ARFGEF3: variants seen among roughly 807,000 people sequenced by gnomAD.
The protein encoded by ARFGEF3 is brefeldin A-inhibited guanine nucleotide-exchange protein 3.
In ARFGEF3, 96 loss-of-function variants were observed where a neutral mutation model predicts 221.7. The ratio of observed to expected loss-of-function variants is 0.43; its 90% CI spans 0.37 to 0.51. The LOEUF is 0.51. Among genes scored for constraint, ARFGEF3 ranks in the 20% least tolerant of loss-of-function variants. The pLI, the probability that ARFGEF3 is intolerant of heterozygous loss-of-function variation, is 0.00. For missense variants in ARFGEF3, 2,410 were observed against 2,789.9 expected, an observed-to-expected ratio of 0.86 and a Z score of 3.07; for synonymous variants, 1,145 against 1,126.8, an observed-to-expected ratio of 1.02 and a Z score of -0.32.
intron 2 of ARFGEF3, among the ~76,000 whole-genome samples, chr6:138,195,250 C>A (rs541977041): frequency 6.6e-6 from 1 of 152,088 alleles, no homozygotes; most frequent in South Asian, 2.1e-4. Context: ...ATGATCTGCC[C>A]TCCTCGGCCT....
intron 12 of ARFGEF3, among the ~76,000 whole-genome samples, chr6:138,274,629 C>G (rs1053897607): frequency 1.3e-5 from 2 of 151,944 alleles, no homozygotes; most frequent in Non-Finnish European, 2.9e-5. Flanking sequence ...AACCCCATCT[C>G]TACTAAAAAT....
chr6:138,251,959 A>G (rs1048939641), intron 8 of ARFGEF3, among the ~76,000 whole-genome samples: 1 of 152,182 alleles, frequency 6.6e-6, no homozygotes, highest in Non-Finnish European at 1.5e-5. Flanking sequence ...GGTCAAAAGC[A>G]TAGGGAAGCT....
At chr6:138,208,386 A>G (rs895805637) in intron 3 of ARFGEF3, among the ~76,000 whole-genome samples, 7 of 152,150 alleles carry the variant, frequency 4.6e-5, no homozygotes. Flanking sequence ...TCTGAAAAAA[A>G]AAATCCTTTT....
chr6:138,221,019 T>C (rs1777974134), intron 4 of ARFGEF3, among the ~76,000 whole-genome samples: 1 of 152,222 alleles, frequency 6.6e-6, no homozygotes. Flanking sequence ...CCTGTTCTTT[T>C]GCTGATCCCA....
At chr6:138,323,882 C>A in intron 30 of ARFGEF3, 109 bp downstream of exon 30, 1 of 1,537,362 alleles carries the variant, frequency 6.5e-7, no homozygotes, top group Non-Finnish European at 8.9e-7. Flanking sequence ...CAGGCAGTCT[C>A]ACTTTAGATC....
chr6:138,289,718 C>A, intron 17 of ARFGEF3, 100 bp from the exon 18 acceptor site: 1 of 1,299,840 alleles, frequency 7.7e-7, no homozygotes, highest in Non-Finnish European at 1.1e-6. Context: ...TGAAGTCTGT[C>A]CTTTCCCTTT....
At chr6:138,175,102 C>T (rs185572797) in intron 2 of ARFGEF3, among the ~76,000 whole-genome samples, 21 of 152,290 alleles carry the variant, frequency 1.4e-4, no homozygotes, top group Admixed American at 5.2e-4. Context: ...CTTATTTGTG[C>T]TCAAGGCTCT....
At chr6:138,218,981 G>A (rs995375844) in intron 4 of ARFGEF3, among the ~76,000 whole-genome samples, 3 of 151,824 alleles carry the variant, frequency 2.0e-5, no homozygotes, top group African/African-American at 7.3e-5. Flanking sequence ...ATATATTTTT[G>A]TTGCCAACAG....
At chr6:138,270,602 C>T (rs941778085) in intron 12 of ARFGEF3, among the ~76,000 whole-genome samples, 1 of 152,194 alleles carries the variant, frequency 6.6e-6, no homozygotes, top group Non-Finnish European at 1.5e-5. Context: ...GTATGATAAA[C>T]AGTAGTACTT....
rs552271356 is a variant in ARFGEF3, at chr6:138,295,262, A to G, written c.3502+1136A>G. Among the ~76,000 whole-genome samples, 68 of 152,290 alleles carry G rather than the reference A, an allele frequency of 4.5e-4. No homozygotes were observed. In the South Asian group the frequency reaches 0.013, roughly 28 times the overall value. ...CCAGCCACAGCATCTGAGGCAAGTC[A>G]TATCACCTTTCAGACATTCAATTTT... On this transcript the variant is annotated intron_variant, in intron 20 of 33. Transcript: ENST00000251691.
chr6:138,172,062 A>G (rs931098460), intron 2 of ARFGEF3, among the ~76,000 whole-genome samples: 1 of 152,132 alleles, frequency 6.6e-6, no homozygotes. Context: ...TAAAAAATTC[A>G]TTACTTTTCC....
Position 138,167,545 on chromosome 6 carries a change from G to C in ARFGEF3, c.86-3117G>C, listed in dbSNP as rs560804839. On this transcript the variant is annotated intron_variant, in intron 1 of 33. Coordinates refer to ENST00000251691, the MANE Select transcript of ARFGEF3 (RefSeq NM_020340.5). ...ATCAGTTGATGTCATCACCTGTCCA[G>C]TTGCATTGACCTGAAATCTAGAGTC... is the stretch of plus-strand genomic sequence containing the variant. Among the ~76,000 whole-genome samples the C allele has an allele frequency of 2.0e-5, 3 of 152,242 alleles. No homozygotes were observed. In the South Asian group the frequency reaches 6.2e-4, roughly 32 times the overall value.
chr6:138,200,314 C>G (rs954685210), intron 2 of ARFGEF3, among the ~76,000 whole-genome samples: 2 of 152,018 alleles, frequency 1.3e-5, no homozygotes, highest in Non-Finnish European at 2.9e-5. Flanking sequence ...CACAGAGTTA[C>G]AAGAAACAAT....
intron 27 of ARFGEF3, among the ~76,000 whole-genome samples, chr6:138,319,278 TA>T (rs371788391): frequency 0.048 from 6,895 of 142,232 alleles, 126 homozygotes; most frequent in African/African-American, 0.067. Flanking sequence ...ATTGTTAAGT[TA>T]AAAAAAAAAA....
At chr6:138,182,771 T>C (rs1157251021) in intron 2 of ARFGEF3, among the ~76,000 whole-genome samples, 2 of 152,176 alleles carry the variant, frequency 1.3e-5, no homozygotes, top group Non-Finnish European at 2.9e-5. Flanking sequence ...TAACAATTGA[T>C]ATGGTTTTTT....
intron 4 of ARFGEF3, chr6:138,218,537 T>G: frequency 7.4e-7 from 1 of 1,342,876 alleles, no homozygotes; most frequent in South Asian, 1.8e-5. Context: ...ACACCCACTC[T>G]TTAGCTGAGC....
At chr6:138,264,943 A>G (rs962041968) in intron 12 of ARFGEF3, among the ~76,000 whole-genome samples, 42 of 142,154 alleles carry the variant, frequency 3.0e-4, no homozygotes, top group East Asian at 2.2e-3. Context: ...TCACTCTGTC[A>G]CCCAGGCTGG....
rs184566684 is a variant in ARFGEF3, at chr6:138,341,723, G to A, written c.*5237G>A. On this transcript the variant is annotated 3_prime_UTR_variant, in exon 34 of 34. Transcript: ENST00000251691. Reference sequence around the variant, plus strand: ...CCTCTTTCCCTGGCTGTATTGTAGTGTTTGCTATTTGATGTGGAAATAACT... The same window carrying A: ...CCTCTTTCCCTGGCTGTATTGTAGTATTTGCTATTTGATGTGGAAATAACT... 1.3e-5 allele frequency: 2 copies of A among 152,214 alleles called. No individual in the cohort carries two copies. Among genetic ancestry groups the A allele is most frequent in the African/African-American group, 4.8e-5 (2 of 41,542 alleles). The allele number at this position is 152,214 out of a possible 1,614,324, so 9.4% of individuals were successfully genotyped here. A position where few individuals can be genotyped will look rare whatever the true frequency, so the allele number is the denominator to read the frequency against.
chr6:138,259,788 C>T (rs1433751851), intron 10 of ARFGEF3, among the ~76,000 whole-genome samples: 1 of 152,096 alleles, frequency 6.6e-6, no homozygotes, highest in African/African-American at 2.4e-5. Context: ...GTGGCGCACA[C>T]CTGTGGTCCC....
Sources: gnomAD v4.1 joint callset for allele counts (sites outside exome capture counted in the v4.1 genomes callset) on GRCh38, gnomAD v4.1.1 for gene constraint, MANE v1.5 for transcripts, NCBI Gene and HGNC (gene_info 2026-07-23, HGNC 2026-07-21) for gene names.